Variants in PHACTR2 observed in about 807,000 individuals in gnomAD.
PHACTR2 encodes the protein phosphatase and actin regulator 2.
A neutral mutation model predicts 76.0 loss-of-function variants in PHACTR2; 30 were observed. The observed-to-expected ratio is 0.39, with a 90% confidence interval of 0.30 to 0.54. The LOEUF (loss-of-function observed/expected upper bound fraction) is 0.54. Among genes scored for constraint, PHACTR2 ranks in the 20% least tolerant of loss-of-function variants. The pLI is 0.61. For synonymous variants in PHACTR2, 292 were observed against 292.5 expected, an observed-to-expected ratio of 1.00 and a Z score of 0.02; for missense variants, 696 against 781.1, an observed-to-expected ratio of 0.89 and a Z score of 1.30.
At chr6:143,579,046 G>C (rs1775544903) in intron 1 of PHACTR2, among the ~76,000 whole-genome samples, 1 of 152,060 alleles carries the variant, frequency 6.6e-6, no homozygotes, top group African/African-American at 2.4e-5. Flanking sequence ...TGGGACTACA[G>C]GTGCATGCCA....
intron 1 of PHACTR2, among the ~76,000 whole-genome samples, chr6:143,637,136 G>T (rs1562255256): frequency 6.6e-6 from 1 of 152,284 alleles, no homozygotes; most frequent in East Asian, 1.9e-4. Flanking sequence ...TGACTAACCG[G>T]GGGTGGTGCA....
chr6:143,542,143 A>T (rs1781176760), intron 1 of PHACTR2, among the ~76,000 whole-genome samples: 1 of 152,164 alleles, frequency 6.6e-6, no homozygotes, highest in Non-Finnish European at 1.5e-5. Flanking sequence ...TGCTGGATGG[A>T]GCAGGTGCTG....
In PHACTR2 at chr6:143,757,518, G is replaced by A. The variant is rs368500442; in HGVS notation, c.455-2883G>A. Among the ~76,000 whole-genome samples the A allele has an allele frequency of 2.0e-4, 31 of 152,176 alleles. No homozygotes were observed. Among genetic ancestry groups the A allele is most frequent in the African/African-American group, 5.5e-4 (23 of 41,454 alleles). On this transcript the variant is annotated intron_variant, in intron 4 of 12. Coordinates refer to ENST00000440869, the MANE Select transcript of PHACTR2 (RefSeq NM_001100164.2). This position sits in a 1 kb window ranked among gnomAD's most constrained non-coding sequence, Gnocchi z 4.2. Reference sequence around the variant, plus strand: ...CAGCCCCAGGCTTGTTCTAAGTATCGTTGACCTCAAACCTTCCAGGGCTCA... The same window carrying A: ...CAGCCCCAGGCTTGTTCTAAGTATCATTGACCTCAAACCTTCCAGGGCTCA...
In PHACTR2 at chr6:143,608,194, G is replaced by A. The variant is rs180930004; in HGVS notation, c.-116G>A. On this transcript the variant is annotated 5_prime_UTR_variant, in exon 1 of 12. Transcript: ENST00000305766. The surrounding 1 kb of genome is among the most constrained non-coding windows in gnomAD (Gnocchi z 4.6). Reference sequence around the variant, plus strand: ...CTCCTGCAGACAGTGCATGAAGTATGCTCAGTGTGCCAGCAAGGGCTGATA... The same window carrying A: ...CTCCTGCAGACAGTGCATGAAGTATACTCAGTGTGCCAGCAAGGGCTGATA... The A allele has an allele frequency of 2.9e-6, 3 of 1,023,726 alleles. No individual in the cohort carries two copies. The highest frequency in any genetic ancestry group is 3.1e-6 in the Non-Finnish European group (2 of 653,586). The allele number at this position is 1,023,726 out of a possible 1,614,324, so 63.4% of individuals were successfully genotyped here. A position where few individuals can be genotyped will look rare whatever the true frequency, so the allele number is the denominator to read the frequency against.
rs1347237895 is a variant in PHACTR2 at position 143,602,147 on chromosome 6, G to A, written c.217+64940G>A. ...TTCCTTTAGTTTTGTTTTCACTCTC[G>A]CTCTCCCCCTCCCTAATAGTTTTAT... On this transcript the variant is annotated intron_variant, in intron 1 of 11. Coordinates refer to the PHACTR2 transcript ENST00000367584. This position sits in a 1 kb window ranked among gnomAD's most constrained non-coding sequence, Gnocchi z 6.1. 1.3e-5 allele frequency among the ~76,000 whole-genome samples: 2 copies of A among 151,774 alleles called. No homozygotes were observed. Among genetic ancestry groups the A allele is most frequent in the African/African-American group, 2.4e-5 (1 of 41,254 alleles).
rs1376726286 is a variant in PHACTR2, at chr6:143,757,657, T to C, written c.455-2744T>C. 6.6e-6 allele frequency among the ~76,000 whole-genome samples: 1 copy of C among 152,212 alleles called. No homozygotes were observed. The highest frequency in any genetic ancestry group is 2.4e-5 in the African/African-American group (1 of 41,464). On this transcript the variant is annotated intron_variant, in intron 4 of 12. Coordinates refer to ENST00000440869, the MANE Select transcript of PHACTR2 (RefSeq NM_001100164.2). The surrounding 1 kb of genome is among the most constrained non-coding windows in gnomAD (Gnocchi z 4.2). The stretch of plus-strand genomic sequence containing the variant: ...GAGGCAGCCCTTTCTCAACCTTCTC[T>C]TGAAGTGATAATACTCCTATATGCC...
At chr6:143,565,286 G>C (rs1302946066) in intron 1 of PHACTR2, among the ~76,000 whole-genome samples, 1 of 152,146 alleles carries the variant, frequency 6.6e-6, no homozygotes, top group African/African-American at 2.4e-5. Flanking sequence ...AGTGGAAAAA[G>C]TAAGTAGAAA....
chr6:143,802,605 C>T (rs1433045934), intron 11 of PHACTR2, among the ~76,000 whole-genome samples: 1 of 145,270 alleles, frequency 6.9e-6, no homozygotes, highest in African/African-American at 2.6e-5. Context: ...TGTGATCACA[C>T]CACCTGCACT....
intron 1 of PHACTR2, among the ~76,000 whole-genome samples, chr6:143,590,632 G>A (rs1344443461): frequency 6.6e-6 from 1 of 151,912 alleles, no homozygotes; most frequent in Non-Finnish European, 1.5e-5. Context: ...ACACCATTCA[G>A]TGCAATTTTT....
intron 1 of PHACTR2, among the ~76,000 whole-genome samples, chr6:143,615,733 G>A (rs1320384674): frequency 6.6e-6 from 1 of 152,128 alleles, no homozygotes; most frequent in African/African-American, 2.4e-5. Context: ...TAAATGAAAT[G>A]CAGACACACC....
intron 1 of PHACTR2, among the ~76,000 whole-genome samples, chr6:143,704,452 T>A (rs1562276025): frequency 6.6e-6 from 1 of 152,208 alleles, no homozygotes. Context: ...CCGAGGCCCC[T>A]TCGAGCGGAC....
Position 143,772,603 on chromosome 6 carries a change from A to G in PHACTR2, c.1432+146A>G. 1.5e-6 allele frequency: 1 copy of G among 653,306 alleles called. No individual in the cohort carries two copies. Among genetic ancestry groups the G allele is most frequent in the South Asian group, 2.0e-5 (1 of 51,186 alleles). The allele number at this position is 653,306 out of a possible 1,614,324, so 40.5% of individuals were successfully genotyped here. On this transcript the variant is annotated intron_variant, in intron 7 of 12. Transcript: ENST00000440869. This position sits in a 1 kb window ranked among gnomAD's most constrained non-coding sequence, Gnocchi z 5.4. ...CCTTTCTCAAATTAGAAATGTGTAT[A>G]TCCTAAAGTTTAGCTTTTGATGGGA...
At chr6:143,609,745 A>C (rs534863049) in intron 1 of PHACTR2, among the ~76,000 whole-genome samples, 7 of 152,336 alleles carry the variant, frequency 4.6e-5, no homozygotes, top group Non-Finnish European at 8.8e-5. Flanking sequence ...CGATCACTTT[A>C]ATTCAAGTAA....
rs71024861 is a variant in PHACTR2, at chr6:143,627,606, C to CTTT, written c.13+19295_13+19297dup. Among the ~76,000 whole-genome samples the CTTT allele has an allele frequency of 0.26, 37,881 of 144,750 alleles. 6,600 individuals carry two copies. The highest frequency in any genetic ancestry group is 0.38 in the Non-Finnish European group (25,485 of 66,256). The allele number at this position is 144,750 out of a possible 152,430, so 95.0% of individuals were successfully genotyped here. ...CACAATGTTGTACAACCACCACTTC[C>CTTT]TTTTTTTTTTTTTGAGAAGAAGTCT... is the stretch of plus-strand genomic sequence containing the variant. On this transcript the variant is annotated intron_variant, in intron 1 of 11. Transcript: ENST00000305766. The surrounding 1 kb of genome is among the most constrained non-coding windows in gnomAD (Gnocchi z 4.3).
rs752430446 is a variant in PHACTR2 at position 143,739,384 on chromosome 6, G to A, written c.215-9601G>A. ...GGCTGCGAGATTCACTTTAAAATCA[G>A]TTCTCTAGCCTGTTCTTTTTGGGAC... On this transcript the variant is annotated intron_variant, in intron 2 of 12. Transcript: ENST00000440869. The surrounding 1 kb of genome is among the most constrained non-coding windows in gnomAD (Gnocchi z 4.3). Among the ~76,000 whole-genome samples, 1 of 152,138 alleles carries A rather than the reference G, an allele frequency of 6.6e-6. No homozygotes were observed. Among genetic ancestry groups the A allele is most frequent in the African/African-American group, 2.4e-5 (1 of 41,428 alleles).
rs755649049 is a variant in PHACTR2, at chr6:143,556,892, T to C, written c.217+19685T>C. Among the ~76,000 whole-genome samples the C allele has an allele frequency of 4.6e-5, 7 of 152,148 alleles. No individual in the cohort carries two copies. Among genetic ancestry groups the C allele is most frequent in the African/African-American group, 7.2e-5 (3 of 41,430 alleles). ...AATATGGGCCAGGAACTAATAAAAA[T>C]GATGCACAAAGACGTGAGAAGATAT... On this transcript the variant is annotated intron_variant, in intron 1 of 11. Transcript: ENST00000367584. The surrounding 1 kb of genome is among the most constrained non-coding windows in gnomAD (Gnocchi z 4.3).
rs1584047447 is a variant in PHACTR2, at chr6:143,537,267, G to A, written c.217+60G>A. 1 of 177,010 alleles carries A rather than the reference G, an allele frequency of 5.6e-6. No homozygotes were observed. The highest frequency in any genetic ancestry group is 1.2e-5 in the Non-Finnish European group (1 of 86,252). 11.0% of individuals were successfully genotyped at this position (177,010 alleles called of 1,614,324 possible). A position where few individuals can be genotyped will look rare whatever the true frequency, so the allele number is the denominator to read the frequency against. On this transcript the variant is annotated intron_variant, in intron 1 of 11. Transcript: ENST00000367584. This position sits in a 1 kb window ranked among gnomAD's most constrained non-coding sequence, Gnocchi z 4.4. ...CGGCCGCGGGCAGGTGGCCGCGAGG[G>A]CGACGCGGCCAACCCGGGGCGCCCG...
rs946405675 is a variant in PHACTR2, at chr6:143,610,643, GA to G, written c.13+2322del. ...TTTCTGCTGTTAACAAGTAAAGTAA[GA>G]TGAGCTGCTTGGGACTCCGGCCCTT... On this transcript the variant is annotated intron_variant, in intron 1 of 11. Transcript: ENST00000305766. This position sits in a 1 kb window ranked among gnomAD's most constrained non-coding sequence, Gnocchi z 4.9. Among the ~76,000 whole-genome samples, 2 of 152,214 alleles carry G rather than the reference GA, an allele frequency of 1.3e-5. No individual in the cohort carries two copies. The highest frequency in any genetic ancestry group is 2.9e-5 in the Non-Finnish European group (2 of 68,036).
rs561926932 is a variant in PHACTR2, at chr6:143,688,836, G to A, written c.46+10627G>A. ...TCTGCAATTCATTTTCCACAGAACA[G>A]CTAAAGTAATTTCTTAAAGCATAAA... On this transcript the variant is annotated intron_variant, in intron 1 of 12. Transcript: ENST00000440869. This position sits in a 1 kb window ranked among gnomAD's most constrained non-coding sequence, Gnocchi z 5.2. Among the ~76,000 whole-genome samples, 22 of 152,280 alleles carry A rather than the reference G, an allele frequency of 1.4e-4. No individual in the cohort carries two copies. Among genetic ancestry groups the A allele is most frequent in the African/African-American group, 5.3e-4 (22 of 41,550 alleles).
Sources: gnomAD v4.1 joint callset for allele counts (sites outside exome capture counted in the v4.1 genomes callset) on GRCh38, gnomAD v4.1.1 for gene constraint, Gnocchi (gnomAD v3.1) non-coding constraint, MANE v1.5 for transcripts, NCBI Gene and HGNC (gene_info 2026-07-23, HGNC 2026-07-21) for gene names.